Variants in SS18 observed in about 807,000 individuals in gnomAD.
SS18 encodes the protein SS18 subunit of BAF chromatin remodeling complex, also known as protein SSXT.
SS18 carries 28 observed loss-of-function variants against 72.5 expected under a neutral mutation model. The observed-to-expected ratio is 0.39, with a 90% CI of 0.29 to 0.53. The LOEUF (loss-of-function observed/expected upper bound fraction) is 0.53, where lower values mean the gene tolerates loss of function less well. Ranked by LOEUF, SS18 falls within the 20% of genes least tolerant of loss-of-function variation. The pLI is 0.76. For missense variants in SS18, 518 were observed against 535.3 expected (o/e 0.97, Z 0.32); for synonymous variants, 172 against 164.2 (o/e 1.05, Z -0.37).
chr18:26,022,340 CAG>C (rs2053366850), intron 10 of SS18, among the ~76,000 whole-genome samples: 2 of 151,194 alleles, frequency 1.3e-5, no homozygotes, highest in East Asian at 3.9e-4. Context: ...TGACAATAAA[CAG>C]TAACAAAATA....
intron 9 of SS18, among the ~76,000 whole-genome samples, chr18:26,034,121 C>T (rs532004331): frequency 2.0e-5 from 3 of 152,056 alleles, no homozygotes; most frequent in South Asian, 2.1e-4. Flanking sequence ...AGTTTCAACA[C>T]GTATGCTGAG....
chr18:26,029,146 G>A (rs1381183932), intron 10 of SS18, among the ~76,000 whole-genome samples: 3 of 152,198 alleles, frequency 2.0e-5, no homozygotes, highest in Admixed American at 6.5e-5. Flanking sequence ...CTTGATGCAT[G>A]TAAGGAACAG....
chr18:26,051,755 T>C (rs2053928315), intron 5 of SS18, among the ~76,000 whole-genome samples: 1 of 152,196 alleles, frequency 6.6e-6, no homozygotes, highest in East Asian at 1.9e-4. Flanking sequence ...GATTGGCAAT[T>C]TTTTCTATTA....
At chr18:26,049,429 A>G (rs1431565448) in intron 5 of SS18, among the ~76,000 whole-genome samples, 1 of 152,160 alleles carries the variant, frequency 6.6e-6, no homozygotes, top group Non-Finnish European at 1.5e-5. Context: ...GCTTTTATAG[A>G]GCTTGTTGAA....
chr18:26,035,199 C>A lies in SS18; in HGVS notation c.974-72G>T, dbSNP rs1206341301. 3 of 1,507,888 alleles carry A rather than the reference C, an allele frequency of 2.0e-6. No homozygotes were observed. In the East Asian group the frequency reaches 6.9e-5, roughly 35 times the overall value. 93.4% of individuals were successfully genotyped at this position (1,507,888 alleles called of 1,614,324 possible). On this transcript the variant is annotated intron_variant, in intron 8 of 10. Transcript: ENST00000415083. This position sits in a 1 kb window ranked among gnomAD's most constrained non-coding sequence, Gnocchi z 4.4. ...AAGTAACTTTTTTCCCTCTAAGATG[C>A]ATAGCCAACAACACAAGAACAAAAT...
chr18:26,087,463 A>G, intron 2 of SS18, 38 bp downstream of exon 2: 2 of 1,242,210 alleles, frequency 1.6e-6, no homozygotes, highest in South Asian at 2.6e-5. Flanking sequence ...AACCAATACA[A>G]AAAACTGAAT....
In SS18 at chr18:26,032,450, T is replaced by C; in HGVS notation, c.1179A>G (p.Thr393=). ...QGQQYGGYRP[T]QPGPPQPPQQ... ...GGGGTGGCTGTGGTGGTCCAGGCTG[T>C]GTTGGTCTATATCCTCCATACTGCT... The change falls in exon 10 of 11, where the codon ACA becomes ACG. Residue 393 remains threonine, a synonymous_variant. Coordinates refer to ENST00000415083, the MANE Select transcript of SS18 (RefSeq NM_001007559.3). 1 of 1,613,920 alleles carries C rather than the reference T, an allele frequency of 6.2e-7. No individual in the cohort carries two copies. Among genetic ancestry groups the C allele is most frequent in the Non-Finnish European group, 8.5e-7 (1 of 1,179,882 alleles).
At position 26,052,962 on chromosome 18, in the gene SS18, C is replaced by T. The variant is rs1459466345; in HGVS notation, c.386-117G>A. On this transcript the variant is annotated intron_variant, in intron 4 of 10. Coordinates refer to ENST00000415083, the MANE Select transcript of SS18 (RefSeq NM_001007559.3). ...ATAGTAATACCAAACAATAATTAAT[C>T]GATAGCAAAGTAAATGGTTTATAGG... is the stretch of plus-strand genomic sequence containing the variant. 17 of 747,722 alleles carry T rather than the reference C, an allele frequency of 2.3e-5. 1 individual carries two copies. In the Middle Eastern group the frequency reaches 1.5e-3, roughly 66 times the overall value. The allele number at this position is 747,722 out of a possible 1,614,324, so 46.3% of individuals were successfully genotyped here. A position where few individuals can be genotyped will look rare whatever the true frequency, so the allele number is the denominator to read the frequency against.
chr18:26,035,120 T>C lies in SS18; in HGVS notation c.981A>G (p.Ser327=). 1.2e-6 allele frequency: 2 copies of C among 1,612,396 alleles called. No individual in the cohort carries two copies. Among genetic ancestry groups the C allele is most frequent in the Non-Finnish European group, 1.7e-6 (2 of 1,179,264 alleles). The change falls in exon 9 of 11, where the codon TCA becomes TCG. Residue 327 remains serine, a synonymous_variant. Coordinates refer to ENST00000415083, the MANE Select transcript of SS18 (RefSeq NM_001007559.3). The surrounding 1 kb of genome is among the most constrained non-coding windows in gnomAD (Gnocchi z 4.4). ...SSQHYYEGGN[S]QYGQQQDAYQ... ...ATGCATCTTGCTGTTGGCCATACTG[T>C]GAATTTCCTACAGGATAATTGGAGA...
chr18:26,084,663 A>C (rs202052652), intron 2 of SS18, among the ~76,000 whole-genome samples: 2 of 152,316 alleles, frequency 1.3e-5, no homozygotes, highest in East Asian at 3.9e-4. Flanking sequence ...ACTTCTGCTA[A>C]AAGTGTATAG....
chr18:26,074,643 G>C (rs570211200), intron 3 of SS18, among the ~76,000 whole-genome samples: 51 of 151,836 alleles, frequency 3.4e-4, no homozygotes, highest in African/African-American at 1.2e-3. Flanking sequence ...AAATTTTTTA[G>C]ATTTGTTTTA....
chr18:26,063,749 A>G (rs2054165646), intron 3 of SS18, among the ~76,000 whole-genome samples: 1 of 152,192 alleles, frequency 6.6e-6, no homozygotes, highest in African/African-American at 2.4e-5. Context: ...GTAGCTAAAG[A>G]TGGCAAATCA....
intron 3 of SS18, among the ~76,000 whole-genome samples, chr18:26,069,111 G>C (rs1173857993): frequency 6.6e-6 from 1 of 152,092 alleles, no homozygotes; most frequent in Non-Finnish European, 1.5e-5. Context: ...AATCCTGTTA[G>C]TTCTACTTCA....
upstream of SS18, chr18:26,090,878 C>A: frequency 2.4e-6 from 1 of 409,416 alleles, no homozygotes; most frequent in Non-Finnish European, 4.4e-6. Flanking sequence ...CCTAGTCCTC[C>A]CTCCGCTTCA....
At chr18:26,082,621 C>A in intron 2 of SS18, 1 of 554,658 alleles carries the variant, frequency 1.8e-6, no homozygotes. Flanking sequence ...GTAACACATT[C>A]TCACGTGTGT....
At chr18:26,039,520 A>C in intron 5 of SS18, 64 bp from the exon 6 acceptor site, 1 of 1,440,870 alleles carries the variant, frequency 6.9e-7, no homozygotes. Context: ...CTCAAGAGAA[A>C]TAAGATAATC....
chr18:26,038,482 T>C (rs898778420), intron 7 of SS18, 73 bp downstream of exon 7: 10 of 1,366,008 alleles, frequency 7.3e-6, no homozygotes, highest in Middle Eastern at 1.8e-4. Flanking sequence ...CTCACTGAAA[T>C]GTTTTAAATA....
At chr18:26,087,399 TGTATG>T in intron 2 of SS18, 97 bp downstream of exon 2, 1 of 697,202 alleles carries the variant, frequency 1.4e-6, no homozygotes, top group Middle Eastern at 4.1e-4. Flanking sequence ...ATAGGTGAAT[TGTATG>T]GTATGTGAAT....
chr18:26,019,910 T>C (rs769576975), intron 10 of SS18, among the ~76,000 whole-genome samples: 1 of 151,448 alleles, frequency 6.6e-6, no homozygotes, highest in Non-Finnish European at 1.5e-5. Context: ...AGTAAAATGA[T>C]ATCACATCTA....
Sources: allele counts gnomAD v4.1 joint callset (sites outside exome capture counted in the v4.1 genomes callset), GRCh38; gene constraint gnomAD v4.1.1; non-coding constraint Gnocchi (gnomAD v3.1); transcripts MANE v1.5; gene names NCBI Gene and HGNC (gene_info 2026-07-23, HGNC 2026-07-21).